ARHGAP19: variants seen among roughly 807,000 people sequenced by gnomAD.
ARHGAP19 encodes rho GTPase-activating protein 19.
A neutral mutation model predicts 60.9 loss-of-function variants in ARHGAP19; 48 were observed. The observed-to-expected ratio is 0.79, with a 90% CI of 0.62 to 1.00. ARHGAP19 has a LOEUF of 1.00. Among genes scored for constraint, ARHGAP19 ranks in the 50% least tolerant of loss-of-function variants. ARHGAP19 has a pLI of 0.00. For synonymous variants in ARHGAP19, 209 were observed against 215.5 expected, an observed-to-expected ratio of 0.97 and a Z score of 0.27; for missense variants, 562 against 597.2, an observed-to-expected ratio of 0.94 and a Z score of 0.61.
intron 11 of ARHGAP19, among the ~76,000 whole-genome samples, chr10:97,227,399 G>A (rs1850917829): frequency 6.6e-6 from 1 of 152,146 alleles, no homozygotes; most frequent in Non-Finnish European, 1.5e-5. Context: ...AGTGGAAGGA[G>A]ACCAAGCTGC....
chr10:97,288,777 A>G (rs554292352), intron 1 of ARHGAP19, among the ~76,000 whole-genome samples: 11 of 151,482 alleles, frequency 7.3e-5, no homozygotes, highest in Admixed American at 5.9e-4. Context: ...TCCCGCCCTC[A>G]AAATGCCTTA....
intron 1 of ARHGAP19, among the ~76,000 whole-genome samples, chr10:97,271,344 GATAA>G (rs1227872956): frequency 6.6e-6 from 1 of 151,328 alleles, no homozygotes; most frequent in East Asian, 1.9e-4. Context: ...TAAATAAATA[GATAA>G]ATAAATCTAA....
intron 5 of ARHGAP19, among the ~76,000 whole-genome samples, chr10:97,258,298 G>A (rs373922199): frequency 2.8e-4 from 43 of 152,230 alleles, no homozygotes; most frequent in Middle Eastern, 6.8e-3. Context: ...GGCAGCAGCG[G>A]GTGGATCACC....
rs1851107045 is a variant in ARHGAP19, at chr10:97,235,221, A to G, written c.1280T>C (p.Ile427Thr). ...ACGACAGCCCAGCATACCTACCTTAATAAGCCCACTGAAGGAGCGCGAACG... is the reference window on the plus strand; with the variant it reads ...ACGACAGCCCAGCATACCTACCTTAGTAAGCCCACTGAAGGAGCGCGAACG... ...RARSRSFSGL[I>T]KRKVLGNQMM... The change falls in exon 9 of 12, where the codon ATT becomes ACT. Residue 427 changes from isoleucine to threonine, a missense_variant. Coordinates refer to ENST00000358531, the MANE Select transcript of ARHGAP19 (RefSeq NM_032900.6). The G allele has an allele frequency of 5.6e-6, 9 of 1,610,360 alleles. No homozygotes were observed. The highest frequency in any genetic ancestry group is 1.1e-5 in the South Asian group (1 of 90,882).
At chr10:97,232,123 G>A (rs983330320) in intron 9 of ARHGAP19, among the ~76,000 whole-genome samples, 2 of 147,780 alleles carry the variant, frequency 1.4e-5, no homozygotes, top group Admixed American at 6.8e-5. Context: ...ATCTTCTCTG[G>A]AGAAATTTCT....
intron 3 of ARHGAP19, among the ~76,000 whole-genome samples, chr10:97,263,992 C>T (rs186918943): frequency 1.3e-5 from 2 of 152,194 alleles, no homozygotes; most frequent in African/African-American, 4.8e-5. Context: ...TTATCCCAGA[C>T]TTCGTTTGGA....
intron 1 of ARHGAP19, among the ~76,000 whole-genome samples, chr10:97,280,124 A>T (rs1843064810): frequency 6.6e-6 from 1 of 152,168 alleles, no homozygotes; most frequent in South Asian, 2.1e-4. Flanking sequence ...AAGTAACATC[A>T]GGCTGGGTGC....
Position 97,243,969 on chromosome 10 carries a change from T to C in ARHGAP19, c.1184A>G (p.Gln395Arg), listed in dbSNP as rs1331553295. Residue 395 changes from glutamine to arginine, a missense_variant and splice_region_variant, in exon 8 of 12, where the codon CAG becomes CGG. Coordinates refer to ENST00000358531, the MANE Select transcript of ARHGAP19 (RefSeq NM_032900.6). ...CACAACTTCCCTGCCTTTAGGCACCTGTCTAATAAGTTGTTTCTTCTTTGC... is the reference window on the plus strand; with the variant it reads ...CACAACTTCCCTGCCTTTAGGCACCCGTCTAATAAGTTGTTTCTTCTTTGC... The part of the protein sequence containing the change: ...ESAKKKQLIR[Q>R]FNKQSLTQTP... 6.2e-7 allele frequency: 1 copy of C among 1,602,792 alleles called. No individual in the cohort carries two copies. Among genetic ancestry groups the C allele is most frequent in the African/African-American group, 1.3e-5 (1 of 74,498 alleles).
At position 97,244,088 on chromosome 10, in the gene ARHGAP19, C is replaced by A; in HGVS notation, c.1065G>T (p.Arg355=). 1 of 1,613,966 alleles carries A rather than the reference C, an allele frequency of 6.2e-7. No homozygotes were observed. The highest frequency in any genetic ancestry group is 8.5e-7 in the Non-Finnish European group (1 of 1,179,956). ...FQLAKSQKRN[R]VDSCPHQEET... is the part of the protein sequence containing the mutation. ...CCTCCTGGTGAGGGCAGGAATCTAC[C>A]CGGTTCCGTTTCTGAGACTTTGCCA... The change falls in exon 8 of 12, where the codon CGG becomes CGT. Residue 355 remains arginine (R), a synonymous_variant. Transcript: ENST00000358531.
chr10:97,235,350 T>C, intron 8 of ARHGAP19, 35 bp from the exon 9 acceptor site: 2 of 1,545,472 alleles, frequency 1.3e-6, no homozygotes, highest in Non-Finnish European at 1.8e-6. Flanking sequence ...TTATAAATAC[T>C]TTCCCATCAA....
intron 3 of ARHGAP19, 42 bp downstream of exon 3, chr10:97,264,784 T>C: frequency 6.7e-7 from 1 of 1,482,582 alleles, no homozygotes; most frequent in Non-Finnish European, 9.4e-7. Flanking sequence ...AAAACAGAAT[T>C]CTTCATTAAA....
At chr10:97,229,676 C>T in intron 10 of ARHGAP19, 88 bp downstream of exon 10, 1 of 971,460 alleles carries the variant, frequency 1.0e-6, no homozygotes, top group Non-Finnish European at 1.5e-6. Context: ...CCCAAAGAAA[C>T]ACAGTAAAAC....
Position 97,263,474 on chromosome 10 carries a change from A to G in ARHGAP19, c.559T>C (p.Leu187=), listed in dbSNP as rs967011926. ...ATLLKMFLGE[L]PEPLLTHKHF... ...TTATGTGTCAGCAGAGGCTCCGGCA[A>G]CTCTCCTAGAAACATCTTCAGCAAA... Residue 187 remains leucine, a synonymous_variant, in exon 4 of 12, where the codon TTG becomes CTG. Transcript: ENST00000358531. The G allele has an allele frequency of 5.0e-6, 8 of 1,614,060 alleles. No individual in the cohort carries two copies. Among genetic ancestry groups the G allele is most frequent in the Non-Finnish European group, 6.8e-6 (8 of 1,180,016 alleles).
intron 1 of ARHGAP19, among the ~76,000 whole-genome samples, chr10:97,272,885 G>T (rs1449885657): frequency 6.7e-6 from 1 of 148,666 alleles, no homozygotes; most frequent in East Asian, 2.0e-4. Context: ...CTGTCGCCCA[G>T]GCTGGAGTGC....
intron 3 of ARHGAP19, among the ~76,000 whole-genome samples, chr10:97,263,969 G>A (rs1032609087): frequency 6.6e-6 from 1 of 152,136 alleles, no homozygotes; most frequent in African/African-American, 2.4e-5. Flanking sequence ...TCTCCCTAAA[G>A]ACCTCTTCTT....
At chr10:97,292,465 G>A (rs1371053125) in intron 1 of ARHGAP19, 107 bp downstream of exon 1, 2 of 1,414,794 alleles carry the variant, frequency 1.4e-6, no homozygotes, top group African/African-American at 1.4e-5. Context: ...CGCCGTGGGA[G>A]AAAGAAACAA....
intron 1 of ARHGAP19, among the ~76,000 whole-genome samples, chr10:97,287,427 T>C (rs1018490218): frequency 1.3e-5 from 2 of 152,218 alleles, no homozygotes; most frequent in Admixed American, 1.3e-4. Context: ...GGAATCTTTA[T>C]AGGCAGAGCA....
At position 97,256,871 on chromosome 10, in the gene ARHGAP19, C is replaced by G. The variant is rs532100913; in HGVS notation, c.841-467G>C. ...GCGTGGTGGCTCATGCCTGTAATCCCAGCACTTTGGGAGGCCAAGGCGGGC... is the reference window on the plus strand; with the variant it reads ...GCGTGGTGGCTCATGCCTGTAATCCGAGCACTTTGGGAGGCCAAGGCGGGC... On this transcript the variant is annotated intron_variant, in intron 5 of 11. Transcript: ENST00000358531. 1.5e-4 allele frequency among the ~76,000 whole-genome samples: 23 copies of G among 152,298 alleles called. No homozygotes were observed. In the East Asian group the frequency reaches 4.2e-3, roughly 28 times the overall value.
At chr10:97,281,219 C>CAAAA (rs56674405) in intron 1 of ARHGAP19, among the ~76,000 whole-genome samples, 4 of 131,708 alleles carry the variant, frequency 3.0e-5, no homozygotes, top group Admixed American at 7.5e-5. Flanking sequence ...TCTGTCACTA[C>CAAAA]AAAAAAAAAA....
Sources: gnomAD v4.1 joint callset for allele counts (sites outside exome capture counted in the v4.1 genomes callset) on GRCh38, gnomAD v4.1.1 for gene constraint, MANE v1.5 for transcripts, NCBI Gene and HGNC (gene_info 2026-07-23, HGNC 2026-07-21) for gene names.